Variants in UBE2D3 observed in about 807,000 individuals in gnomAD.
The protein encoded by UBE2D3 is ubiquitin conjugating enzyme E2 D3, also known as ubiquitin-conjugating enzyme E2 D3.
In UBE2D3, 2 loss-of-function variants were observed where a neutral mutation model predicts 22.8. The ratio of observed to expected loss-of-function variants is 0.09; its 90% CI spans 0.04 to 0.28. The LOEUF (loss-of-function observed/expected upper bound fraction) is 0.28. UBE2D3 is among the 10% of genes least tolerant of loss of function. The probability of loss-of-function intolerance (pLI) is 1.00; values close to 1 mark genes in which losing one functional copy is unlikely to be tolerated. For synonymous variants in UBE2D3, 56 were observed against 60.4 expected, an observed-to-expected ratio of 0.93 and a Z score of 0.34; for missense variants, 27 against 182.5, an observed-to-expected ratio of 0.15 and a Z score of 4.91.
chr4:102,845,723 C>A (rs892439213), intron 1 of UBE2D3, among the ~76,000 whole-genome samples: 1 of 152,198 alleles, frequency 6.6e-6, no homozygotes, highest in Non-Finnish European at 1.5e-5. Context: ...TCAAACTACT[C>A]TGGTTAACGT....
intron 1 of UBE2D3, among the ~76,000 whole-genome samples, chr4:102,848,506 G>A (rs147194018): frequency 1.1e-3 from 166 of 152,198 alleles, no homozygotes; most frequent in East Asian, 7.7e-3. Flanking sequence ...TTAGCTGGGC[G>A]TGGTGGTGGG....
rs373179916 is a variant in UBE2D3, at chr4:102,841,006, C to A, written c.-128-14370G>T. Among the ~76,000 whole-genome samples the A allele has an allele frequency of 4.3e-4, 63 of 146,816 alleles. No individual in the cohort carries two copies. In the East Asian group the frequency reaches 0.011, roughly 25 times the overall value. On this transcript the variant is annotated intron_variant, in intron 1 of 7. Transcript: ENST00000338145. ...CTGCACTCCAGTCTGGGTGACAGAA[C>A]AAGACTCTTTTAAAAAAAAAAAAAA... is the stretch of plus-strand genomic sequence containing the variant.
chr4:102,798,935 C>A (rs778871480), intron 7 of UBE2D3: 1 of 1,611,926 alleles, frequency 6.2e-7, no homozygotes, highest in Non-Finnish European at 8.5e-7. Context: ...TACCCTACAA[C>A]ATAGCGTATT....
intron 1 of UBE2D3, among the ~76,000 whole-genome samples, chr4:102,855,437 T>C (rs572626554): frequency 9.9e-5 from 15 of 152,200 alleles, no homozygotes; most frequent in Non-Finnish European, 2.2e-4. Context: ...TTCAACACAA[T>C]TTGTAAAGAT....
intron 2 of UBE2D3, among the ~76,000 whole-genome samples, chr4:102,824,241 G>A (rs186971540): frequency 5.4e-4 from 82 of 152,254 alleles, no homozygotes; most frequent in Admixed American, 1.2e-3. Flanking sequence ...TTTACAAAAG[G>A]AGACAACCTG....
At chr4:102,827,321 A>C in intron 1 of UBE2D3, 106 bp downstream of exon 1, 1 of 968,922 alleles carries the variant, frequency 1.0e-6, no homozygotes, top group Non-Finnish European at 1.2e-6. Context: ...ACCGCACCCA[A>C]TAGGCTGGCC....
chr4:102,802,814 T>C (rs1329472284), intron 4 of UBE2D3, 176 bp from the exon 5 acceptor site: 4 of 427,054 alleles, frequency 9.4e-6, no homozygotes, highest in Non-Finnish European at 1.6e-5. Context: ...TTAAAACTTA[T>C]ACAGTAATAA....
intron 4 of UBE2D3, among the ~76,000 whole-genome samples, chr4:102,806,613 G>T (rs982197689): frequency 6.6e-5 from 10 of 151,972 alleles, no homozygotes; most frequent in Non-Finnish European, 1.3e-4. Context: ...GCTGCCAAAG[G>T]TTACATTTTT....
chr4:102,826,733 G>A, intron 1 of UBE2D3, 97 bp from the exon 2 acceptor site: 1 of 1,422,038 alleles, frequency 7.0e-7, no homozygotes, highest in East Asian at 2.7e-5. Flanking sequence ...GGGGTGGGTG[G>A]GGTGGCGTGG....
chr4:102,853,134 C>CCTTTTT (rs1560891590), intron 1 of UBE2D3, among the ~76,000 whole-genome samples: 1 of 80,760 alleles, frequency 1.2e-5, no homozygotes, highest in Non-Finnish European at 2.2e-5. Flanking sequence ...CAAACACACA[C>CCTTTTT]ATTTTTTTTT....
In UBE2D3 at chr4:102,795,056, T is replaced by C. The variant is rs1304424301; in HGVS notation, c.*2359A>G. 6.6e-6 allele frequency: 1 copy of C among 152,094 alleles called. No individual in the cohort carries two copies. The highest frequency in any genetic ancestry group is 2.4e-5 in the African/African-American group (1 of 41,448). 9.4% of individuals were successfully genotyped at this position (152,094 alleles called of 1,614,324 possible). On this transcript the variant is annotated 3_prime_UTR_variant, in exon 8 of 8. Coordinates refer to ENST00000453744, the MANE Select transcript of UBE2D3 (RefSeq NM_181891.3). ...GTACATATCTCATGTCCAGTGTCCA[T>C]ACATTCAAAAATGTTGGTTTTCCAG...
At chr4:102,809,415 T>C in intron 4 of UBE2D3, 1 of 467,800 alleles carries the variant, frequency 2.1e-6, no homozygotes, top group Middle Eastern at 6.0e-4. Context: ...GTAGAAAAAC[T>C]GAACTGAGAT....
intron 2 of UBE2D3, among the ~76,000 whole-genome samples, chr4:102,814,647 GTTCTC>G (rs1367079140): frequency 1.3e-5 from 2 of 151,650 alleles, no homozygotes; most frequent in African/African-American, 2.4e-5. Context: ...TTTTCTCATG[GTTCTC>G]TTCTCATCTC....
chr4:102,822,058 TAAA>T (rs1729707287), intron 2 of UBE2D3, among the ~76,000 whole-genome samples: 1 of 152,194 alleles, frequency 6.6e-6, no homozygotes, highest in Non-Finnish European at 1.5e-5. Context: ...CTGTCTTGGA[TAAA>T]AAGGGTCACC....
intron 1 of UBE2D3, among the ~76,000 whole-genome samples, chr4:102,861,268 A>AT (rs1383875751): frequency 7.2e-5 from 11 of 151,846 alleles, no homozygotes; most frequent in Non-Finnish European, 1.2e-4. Flanking sequence ...TGAGTTTTTC[A>AT]TTCTACTGGG....
intron 4 of UBE2D3, 109 bp from the exon 5 acceptor site, chr4:102,802,747 A>G: frequency 1.4e-6 from 1 of 714,350 alleles, no homozygotes; most frequent in East Asian, 2.9e-5. Flanking sequence ...TCACCTATTT[A>G]CACTGCAATA....
In UBE2D3 at chr4:102,815,652, A is replaced by T. The variant is rs367780479; in HGVS notation, c.25-5797T>A. ...AGTGAAGGTATAATTTCAGCTAGTT[A>T]ACACTGGGTTTCAGCTCTTCACTCC... On this transcript the variant is annotated intron_variant, in intron 2 of 7. Transcript: ENST00000453744. 4.6e-5 allele frequency among the ~76,000 whole-genome samples: 7 copies of T among 152,214 alleles called. No homozygotes were observed. In the South Asian group the frequency reaches 8.3e-4, roughly 18 times the overall value.
At chr4:102,855,989 C>T (rs114044305) in intron 1 of UBE2D3, among the ~76,000 whole-genome samples, 2,245 of 152,132 alleles carry the variant, frequency 0.015, 37 homozygotes, top group Non-Finnish European at 0.023. Context: ...TGCAGGGTTG[C>T]GGTGAGGCTG....
In UBE2D3 at chr4:102,821,598, T is replaced by C. The variant is rs527330978; in HGVS notation, c.24+4887A>G. 2.2e-4 allele frequency among the ~76,000 whole-genome samples: 25 copies of C among 114,006 alleles called. No homozygotes were observed. The South Asian group carries it at 6.4e-3, about 29-fold the overall frequency. The allele number at this position is 114,006 out of a possible 152,430, so 74.8% of individuals were successfully genotyped here. A position where few individuals can be genotyped will look rare whatever the true frequency, so the allele number is the denominator to read the frequency against. ...TGATTTAGTAAGTCTAAGACCCCCA[T>C]GCAGCTGTATTTTTTTTTTTAAATT... On this transcript the variant is annotated intron_variant, in intron 2 of 7. Coordinates refer to ENST00000453744, the MANE Select transcript of UBE2D3 (RefSeq NM_181891.3).
Sources: gnomAD v4.1 joint callset for allele counts (sites outside exome capture counted in the v4.1 genomes callset) on GRCh38, gnomAD v4.1.1 for gene constraint, MANE v1.5 for transcripts, NCBI Gene and HGNC (gene_info 2026-07-23, HGNC 2026-07-21) for gene names.